The following ZNF436 variants were observed in gnomAD, a reference collection of about 807,000 sequenced individuals.
ZNF436 encodes DNA-binding protein.
In ZNF436, 22 loss-of-function variants were observed where a neutral mutation model predicts 41.9. That is an observed-to-expected ratio of 0.53 (90% confidence interval 0.38 to 0.75). The LOEUF (loss-of-function observed/expected upper bound fraction) is 0.75. ZNF436 is among the 30% of genes least tolerant of loss of function. The pLI is 0.00. For synonymous variants in ZNF436, 217 were observed against 197.8 expected (o/e 1.10, Z -0.82); for missense variants, 506 against 587.3 (o/e 0.86, Z 1.43).
rs1007984641 is a variant in ZNF436, at chr1:23,361,386, A to T, written c.*583T>A. The stretch of plus-strand genomic sequence containing the variant: ...AGCTTTAAAGGAGCTAATTAGAAAC[A>T]ATGAGAAGGAGAAAAGTTACAATCA... On this transcript the variant is annotated 3_prime_UTR_variant, in exon 4 of 4. Coordinates refer to ENST00000314011, the MANE Select transcript of ZNF436 (RefSeq NM_001077195.2). 6.5e-6 allele frequency: 1 copy of T among 152,792 alleles called. No homozygotes were observed. The highest frequency in any genetic ancestry group is 1.5e-5 in the Non-Finnish European group (1 of 68,166). 9.5% of individuals were successfully genotyped at this position (152,792 alleles called of 1,614,324 possible). A position where few individuals can be genotyped will look rare whatever the true frequency, so the allele number is the denominator to read the frequency against.
At chr1:23,363,820 A>G (rs1638300131) in intron 3 of ZNF436, among the ~76,000 whole-genome samples, 2 of 152,212 alleles carry the variant, frequency 1.3e-5, no homozygotes, top group Admixed American at 1.3e-4. Context: ...CAGGAGGAAC[A>G]CTTAAGGCCA....
At position 23,369,473 on chromosome 1, in the gene ZNF436, C is replaced by T. The variant is rs1279637105; in HGVS notation, c.-168G>A. 1 of 532,990 alleles carries T rather than the reference C, an allele frequency of 1.9e-6. No homozygotes were observed. The highest frequency in any genetic ancestry group is 1.9e-5 in the African/African-American group (1 of 51,948). 33.0% of individuals were successfully genotyped at this position (532,990 alleles called of 1,614,324 possible). On this transcript the variant is annotated 5_prime_UTR_variant, in exon 1 of 4. The change abolishes the stop of an existing upstream ORF in the 5' untranslated region. Transcript: ENST00000314011. ...CTCAGACCTGGCGTTCAGGAAGATT[C>T]TAGAGAGCACGGGCAGGTCCCGGAG...
Position 23,362,634 on chromosome 1 carries a change from A to G in ZNF436, c.748T>C (p.Tyr250His). 1 of 1,614,192 alleles carries G rather than the reference A, an allele frequency of 6.2e-7. No individual in the cohort carries two copies. The highest frequency in any genetic ancestry group is 8.5e-7 in the Non-Finnish European group (1 of 1,180,040). Reference protein sequence around the residue: ...HQRTHSGEKPYECEECGKSFS... With the variant: ...HQRTHSGEKPHECEECGKSFS... The stretch of plus-strand genomic sequence containing the variant: ...CTTTTCCCACACTCCTCACACTCAT[A>G]GGGTTTCTCACCACTGTGGGTCCTT... Residue 250 changes from tyrosine (Y) to histidine (H), a missense_variant, in exon 4 of 4, where the codon TAT (tyrosine) becomes CAT (histidine). Physicochemically the swap from Tyr to His is moderately conservative, Grantham distance 83. Coordinates refer to ENST00000314011, the MANE Select transcript of ZNF436 (RefSeq NM_001077195.2).
chr1:23,366,807 T>C (rs1157458295), intron 3 of ZNF436, among the ~76,000 whole-genome samples: 2 of 152,200 alleles, frequency 1.3e-5, no homozygotes, highest in African/African-American at 2.4e-5. Flanking sequence ...GATTGGAAAA[T>C]GACTCAGGGC....
chr1:23,367,542 T>C (rs1325106796), intron 2 of ZNF436, among the ~76,000 whole-genome samples: 2 of 152,206 alleles, frequency 1.3e-5, no homozygotes, highest in Admixed American at 1.3e-4. Context: ...TGTTCTTCAA[T>C]GCCCCCTACC....
In ZNF436 at chr1:23,369,675, C is replaced by A. The variant is rs777305736; in HGVS notation, c.-370G>T. ...AGGCTGGCCGAGAAACCACCAGCAACTAAGCTGCATTCAGCTGGAGTTCCT... is the reference window on the plus strand; with the variant it reads ...AGGCTGGCCGAGAAACCACCAGCAAATAAGCTGCATTCAGCTGGAGTTCCT... On this transcript the variant is annotated 5_prime_UTR_variant, in exon 1 of 4. It removes the in-frame stop codon of an upstream open reading frame in the 5' UTR. Coordinates refer to ENST00000314011, the MANE Select transcript of ZNF436 (RefSeq NM_001077195.2). 8.5e-6 allele frequency: 4 copies of A among 471,310 alleles called. No homozygotes were observed. The highest frequency in any genetic ancestry group is 1.8e-5 in the Non-Finnish European group (4 of 223,092). 29.2% of individuals were successfully genotyped at this position (471,310 alleles called of 1,614,324 possible).
At chr1:23,367,553 C>T (rs1161824361) in intron 2 of ZNF436, among the ~76,000 whole-genome samples, 2 of 152,216 alleles carry the variant, frequency 1.3e-5, no homozygotes, top group East Asian at 1.9e-4. Flanking sequence ...GCCCCCTACC[C>T]CTCTGCACGG....
intron 3 of ZNF436, among the ~76,000 whole-genome samples, chr1:23,365,239 C>T (rs566485837): frequency 1.2e-4 from 18 of 147,920 alleles, no homozygotes; most frequent in African/African-American, 3.5e-4. Context: ...AAAAAAAAAA[C>T]GCAAAAACTA....
rs1208578012 is a variant in ZNF436 at position 23,360,016 on chromosome 1, A to G, written c.*1953T>C. The G allele has an allele frequency of 2.0e-5, 3 of 152,626 alleles. No homozygotes were observed. The highest frequency in any genetic ancestry group is 4.4e-5 in the Non-Finnish European group (3 of 68,042). 9.5% of individuals were successfully genotyped at this position (152,626 alleles called of 1,614,324 possible). ...CATTTATTAAAACCATCAGCAACAT[A>G]TATGAGAAAAGACATATTTGAGTTT... On this transcript the variant is annotated 3_prime_UTR_variant, in exon 4 of 4. Transcript: ENST00000314011.
chr1:23,363,244 A>C, intron 3 of ZNF436, 23 bp from the exon 4 acceptor site: 1 of 1,588,894 alleles, frequency 6.3e-7, no homozygotes, highest in Non-Finnish European at 8.5e-7. Context: ...GTAAACAATA[A>C]GACTAGTAAG....
rs1255219494 is a variant in ZNF436, at chr1:23,362,493, A to G, written c.889T>C (p.Tyr297His). Residue 297 changes from tyrosine (Y) to histidine (H), a missense_variant, in exon 4 of 4, where the codon TAT (tyrosine) becomes CAT (histidine). Transcript: ENST00000314011. ...GGCCTCTCCCCTGTGTGGACTCGAT[A>G]GTGTTTGATGAGATCAGATCTCTCA... is the stretch of plus-strand genomic sequence containing the variant. ...FSERSDLIKH[Y>H]RVHTGERPYK... 1 of 1,612,876 alleles carries G rather than the reference A, an allele frequency of 6.2e-7. No homozygotes were observed. Among genetic ancestry groups the G allele is most frequent in the East Asian group, 2.2e-5 (1 of 44,716 alleles).
intron 2 of ZNF436, 119 bp downstream of exon 2, chr1:23,367,854 A>T: frequency 8.6e-7 from 1 of 1,160,356 alleles, no homozygotes; most frequent in Non-Finnish European, 1.3e-6. Flanking sequence ...TGGAGGCAGA[A>T]TATCGAAGCC....
intron 3 of ZNF436, among the ~76,000 whole-genome samples, chr1:23,366,350 G>GGAGGCAAAGT (rs139587962): frequency 0.57 from 86,483 of 151,204 alleles, 28,344 homozygotes; most frequent in Non-Finnish European, 0.73. Context: ...AGTCTTGACA[G>GGAGGCAAAGT]GAGGCAAAGT....
Position 23,361,977 on chromosome 1 carries a change from T to C in ZNF436, c.1405A>G (p.Thr469Ala), listed in dbSNP as rs200560601. Residue 469 changes from threonine to alanine, a missense_variant, in exon 4 of 4, where the codon ACG (threonine) becomes GCG (alanine). Transcript: ENST00000314011. ...GCCATCATAATTACAGCTTAGTCCG[T>C]ATGAACTCTCTTATGTTTAATAAGA... is the stretch of plus-strand genomic sequence containing the variant. Reference protein sequence around the residue: ...SALIKHKRVHTD With the variant: ...SALIKHKRVHAD 4.4e-5 allele frequency: 70 copies of C among 1,594,304 alleles called. No individual in the cohort carries two copies. Among genetic ancestry groups the C allele is most frequent in the Admixed American group, 1.1e-4 (6 of 56,226 alleles).
chr1:23,367,640 T>A (rs1446252371), intron 2 of ZNF436, among the ~76,000 whole-genome samples: 1 of 152,206 alleles, frequency 6.6e-6, no homozygotes, highest in African/African-American at 2.4e-5. Flanking sequence ...TACAGCACTT[T>A]GTTCCTACAG....
At position 23,369,674 on chromosome 1, in the gene ZNF436, A is replaced by G. The variant is rs2148533609; in HGVS notation, c.-369T>C. 1 of 471,508 alleles carries G rather than the reference A, an allele frequency of 2.1e-6. No homozygotes were observed. The highest frequency in any genetic ancestry group is 1.5e-5 in the South Asian group (1 of 64,594). 29.2% of individuals were successfully genotyped at this position (471,508 alleles called of 1,614,324 possible). A position where few individuals can be genotyped will look rare whatever the true frequency, so the allele number is the denominator to read the frequency against. On this transcript the variant is annotated 5_prime_UTR_variant, in exon 1 of 4. Transcript: ENST00000314011. ...GAGGCTGGCCGAGAAACCACCAGCA[A>G]CTAAGCTGCATTCAGCTGGAGTTCC... is the stretch of plus-strand genomic sequence containing the variant.
intron 3 of ZNF436, among the ~76,000 whole-genome samples, chr1:23,365,712 T>G (rs1638344364): frequency 6.7e-6 from 1 of 150,302 alleles, no homozygotes; most frequent in South Asian, 2.2e-4. Context: ...AGACTCTGTT[T>G]CAAAAAAATT....
intron 1 of ZNF436, chr1:23,368,502 C>T (rs1638417081): frequency 6.4e-6 from 1 of 155,806 alleles, no homozygotes; most frequent in Admixed American, 6.4e-5. Context: ...CTGTGCCTGC[C>T]CCCATGGCCT....
rs1646989183 is a variant in ZNF436 at position 23,360,697 on chromosome 1, A to G, written c.*1272T>C. The G allele has an allele frequency of 6.6e-6, 1 of 152,666 alleles. No homozygotes were observed. Among genetic ancestry groups the G allele is most frequent in the Non-Finnish European group, 1.5e-5 (1 of 68,046 alleles). 9.5% of individuals were successfully genotyped at this position (152,666 alleles called of 1,614,324 possible). On this transcript the variant is annotated 3_prime_UTR_variant, in exon 4 of 4. Coordinates refer to ENST00000314011, the MANE Select transcript of ZNF436 (RefSeq NM_001077195.2). ...ATTCTGAGAATAGGACAATCGACCT[A>G]TTTGTCTGGTCATTATCTTCCACAA...
Sources: gnomAD v4.1 joint callset for allele counts (sites outside exome capture counted in the v4.1 genomes callset) on GRCh38, gnomAD v4.1.1 for gene constraint, MANE v1.5 for transcripts, NCBI Gene and HGNC (gene_info 2026-07-23, HGNC 2026-07-21) for gene names.